FOXJ1: variants seen among roughly 807,000 people sequenced by gnomAD.
The protein encoded by FOXJ1 is forkhead box J1, also known as forkhead box protein J1.
FOXJ1 carries 8 observed loss-of-function variants against 29.3 expected under a neutral mutation model. The observed-to-expected ratio is 0.27, with a 90% CI of 0.16 to 0.49. FOXJ1 has a LOEUF of 0.49. Among genes scored for constraint, FOXJ1 ranks in the 20% least tolerant of loss-of-function variants. FOXJ1 has a pLI of 0.98. For missense variants in FOXJ1, 539 were observed against 595.5 expected, an observed-to-expected ratio of 0.91 and a Z score of 0.99; for synonymous variants, 280 against 278.7, an observed-to-expected ratio of 1.00 and a Z score of -0.05.
rs1451465345 is a variant in FOXJ1 at position 76,140,303 on chromosome 17, G to A, written c.93C>T (p.Asp31=). 6.7e-7 allele frequency: 1 copy of A among 1,492,210 alleles called. No individual in the cohort carries two copies. Among genetic ancestry groups the A allele is most frequent in the Admixed American group, 2.8e-5 (1 of 36,122 alleles). The allele number at this position is 1,492,210 out of a possible 1,614,324, so 92.4% of individuals were successfully genotyped here. The change falls in exon 2 of 3, where the codon GAC becomes GAT. Residue 31 remains aspartate (D), a synonymous_variant. Transcript: ENST00000322957. This position sits in a 1 kb window ranked among gnomAD's most constrained non-coding sequence, Gnocchi z 8.0. ...GCAGCCACTGCAGGCTGGTCAGGCT[G>A]TCATCCAGGGCGTCGGGCTCCTCCA... is the stretch of plus-strand genomic sequence containing the variant. ...GGLEEPDALD[D]SLTSLQWLQE... is the part of the protein sequence containing the mutation.
rs574600443 is a variant in FOXJ1 at position 76,139,618 on chromosome 17, G to A, written c.498+280C>T. On this transcript the variant is annotated intron_variant, in intron 2 of 2. Transcript: ENST00000322957. This position sits in a 1 kb window ranked among gnomAD's most constrained non-coding sequence, Gnocchi z 6.6. ...AGAGTCTAGCCCTGGTCTTTGGCCT[G>A]GGCCTGCTGGATGAATGGCAGGTTA... Among the ~76,000 whole-genome samples, 12 of 152,336 alleles carry A rather than the reference G, an allele frequency of 7.9e-5. No homozygotes were observed. In the South Asian group the frequency reaches 2.5e-3, roughly 32 times the overall value.
chr17:76,140,595 A>T lies in FOXJ1; in HGVS notation c.-169-31T>A. The T allele has an allele frequency of 2.0e-6, 1 of 510,748 alleles. No homozygotes were observed. The highest frequency in any genetic ancestry group is 3.4e-6 in the Non-Finnish European group (1 of 294,680). 31.6% of individuals were successfully genotyped at this position (510,748 alleles called of 1,614,324 possible). A position where few individuals can be genotyped will look rare whatever the true frequency, so the allele number is the denominator to read the frequency against. ...AGGACCACGGTGGGAGCTGAGCACT[A>T]CCCCACCCCCGAGGGGACAGTGTGT... On this transcript the variant is annotated intron_variant, in intron 1 of 2. Transcript: ENST00000322957. This position sits in a 1 kb window ranked among gnomAD's most constrained non-coding sequence, Gnocchi z 8.0.
rs773633018 is a variant in FOXJ1, at chr17:76,140,073, G to T, written c.323C>A (p.Pro108His). Residue 108 changes from proline (P) to histidine (H), a missense_variant, in exon 2 of 3, where the codon CCC becomes CAC. Pro to His is a moderately conservative substitution (Grantham distance 77, BLOSUM62 -2). Coordinates refer to ENST00000322957, the MANE Select transcript of FOXJ1 (RefSeq NM_001454.4). The surrounding 1 kb of genome is among the most constrained non-coding windows in gnomAD (Gnocchi z 8.0). Reference sequence around the variant, plus strand: ...GGTGGCGTAGTCCACGTCGTCGGGGGGTGGGGCCTGCAGCCCCGGGGGCGC... The same window carrying T: ...GGTGGCGTAGTCCACGTCGTCGGGGTGTGGGGCCTGCAGCCCCGGGGGCGC... The part of the protein sequence containing the change: ...RSAPPGLQAP[P>H]PDDVDYATNP... 5 of 1,606,766 alleles carry T rather than the reference G, an allele frequency of 3.1e-6. No individual in the cohort carries two copies. Among genetic ancestry groups the T allele is most frequent in the Non-Finnish European group, 4.2e-6 (5 of 1,179,776 alleles).
chr17:76,138,128 C>G lies in FOXJ1; in HGVS notation c.499-8G>C. On this transcript the variant is annotated splice_polypyrimidine_tract_variant and splice_region_variant and intron_variant, in intron 2 of 2. Transcript: ENST00000322957. ...GTTGTGGCGGATTGAATTCTGGGTG[C>G]AGGGAGAGAGCAAGAGAGAGAGGAA... is the stretch of plus-strand genomic sequence containing the variant. 1 of 1,613,236 alleles carries G rather than the reference C, an allele frequency of 6.2e-7. No homozygotes were observed.
In FOXJ1 at chr17:76,140,098, C is replaced by T. The variant is rs759471615; in HGVS notation, c.298G>A (p.Ala100Thr). ...GGTGGGGCCTGCAGCCCCGGGGGCG[C>T]GCTCCGCGACGTGCACGACGACGTG... ...KPTSSCTSRS[A>T]PPGLQAPPPD... The change falls in exon 2 of 3, where the codon GCG (alanine) becomes ACG (threonine). Residue 100 changes from alanine (A) to threonine (T), a missense_variant. By Grantham distance (58) the Ala-to-Thr change is moderately conservative. Coordinates refer to ENST00000322957, the MANE Select transcript of FOXJ1 (RefSeq NM_001454.4). The surrounding 1 kb of genome is among the most constrained non-coding windows in gnomAD (Gnocchi z 8.0). 4.4e-6 allele frequency: 7 copies of T among 1,601,358 alleles called. No individual in the cohort carries two copies. Among genetic ancestry groups the T allele is most frequent in the South Asian group, 1.1e-5 (1 of 90,858 alleles).
At chr17:76,138,313 A>G (rs1388025935) in intron 2 of FOXJ1, among the ~76,000 whole-genome samples, 193 bp from the exon 3 acceptor site, 1 of 152,170 alleles carries the variant, frequency 6.6e-6, no homozygotes, top group Non-Finnish European at 1.5e-5. Flanking sequence ...GGGAGCCCGG[A>G]GTGCTGTCGG....
In FOXJ1 at chr17:76,140,536, G is replaced by A. The variant is rs1421872507; in HGVS notation, c.-141C>T. On this transcript the variant is annotated 5_prime_UTR_variant, in exon 2 of 3. Coordinates refer to ENST00000322957, the MANE Select transcript of FOXJ1 (RefSeq NM_001454.4). The surrounding 1 kb of genome is among the most constrained non-coding windows in gnomAD (Gnocchi z 8.0). ...CGCGCTTCCATCTCGCGACCCCGGG[G>A]GCGCCTCCTCCGAATAAGTATGTGG... 9 of 744,906 alleles carry A rather than the reference G, an allele frequency of 1.2e-5. No individual in the cohort carries two copies. Among genetic ancestry groups the A allele is most frequent in the Non-Finnish European group, 1.8e-5 (9 of 500,362 alleles). The allele number at this position is 744,906 out of a possible 1,614,324, so 46.1% of individuals were successfully genotyped here. A position where few individuals can be genotyped will look rare whatever the true frequency, so the allele number is the denominator to read the frequency against.
chr17:76,140,274 T>A lies in FOXJ1; in HGVS notation c.122A>T (p.Glu41Val). 1 of 1,478,140 alleles carries A rather than the reference T, an allele frequency of 6.8e-7. No individual in the cohort carries two copies. The highest frequency in any genetic ancestry group is 8.9e-7 in the Non-Finnish European group (1 of 1,125,370). The allele number at this position is 1,478,140 out of a possible 1,614,324, so 91.6% of individuals were successfully genotyped here. A position where few individuals can be genotyped will look rare whatever the true frequency, so the allele number is the denominator to read the frequency against. ...GGCCTTGGCGTTGAGAATGGAGAAT[T>A]CCTGCAGCCACTGCAGGCTGGTCAG... is the stretch of plus-strand genomic sequence containing the variant. Reference protein sequence around the residue: ...DSLTSLQWLQEFSILNAKAPA... With the variant: ...DSLTSLQWLQVFSILNAKAPA... Residue 41 changes from glutamate to valine, a missense_variant, in exon 2 of 3, where the codon GAA (glutamate) becomes GTA (valine). Around this residue, in one of 3 missense-constraint regions of FOXJ1, gnomAD observed 178 missense variants for 254.4 expected, o/e 0.70. Coordinates refer to ENST00000322957, the MANE Select transcript of FOXJ1 (RefSeq NM_001454.4). The surrounding 1 kb of genome is among the most constrained non-coding windows in gnomAD (Gnocchi z 8.0).
chr17:76,140,445 G>T lies in FOXJ1; in HGVS notation c.-50C>A. 2 of 1,370,716 alleles carry T rather than the reference G, an allele frequency of 1.5e-6. No homozygotes were observed. The highest frequency in any genetic ancestry group is 1.9e-6 in the Non-Finnish European group (2 of 1,068,590). The allele number at this position is 1,370,716 out of a possible 1,614,324, so 84.9% of individuals were successfully genotyped here. ...CGGTCAGCATCCACGGGCTGAGCCGGGGGTGGCCCGCCGCGCTCTCTGGCC... is the reference window on the plus strand; with the variant it reads ...CGGTCAGCATCCACGGGCTGAGCCGTGGGTGGCCCGCCGCGCTCTCTGGCC... On this transcript the variant is annotated 5_prime_UTR_variant, in exon 2 of 3. Coordinates refer to ENST00000322957, the MANE Select transcript of FOXJ1 (RefSeq NM_001454.4). The surrounding 1 kb of genome is among the most constrained non-coding windows in gnomAD (Gnocchi z 8.0).
chr17:76,139,481 C>A lies in FOXJ1; in HGVS notation c.498+417G>T, dbSNP rs2068501048. The stretch of plus-strand genomic sequence containing the variant: ...GCCACGTTCCAGTTTCCGTTTCTGA[C>A]TCCCGGCCCCGACAAACCATCCCGG... On this transcript the variant is annotated intron_variant, in intron 2 of 2. Transcript: ENST00000322957. The surrounding 1 kb of genome is among the most constrained non-coding windows in gnomAD (Gnocchi z 6.6). Among the ~76,000 whole-genome samples the A allele has an allele frequency of 6.6e-6, 1 of 152,230 alleles. No individual in the cohort carries two copies. Among genetic ancestry groups the A allele is most frequent in the Admixed American group, 6.5e-5 (1 of 15,286 alleles).
chr17:76,137,828 C>T lies in FOXJ1; in HGVS notation c.791G>A (p.Gly264Asp), dbSNP rs759076774. The T allele has an allele frequency of 3.8e-6, 6 of 1,594,722 alleles. No homozygotes were observed. The South Asian group carries it at 5.6e-5, about 15-fold the overall frequency. The change falls in exon 3 of 3, where the codon GGT (glycine) becomes GAT (aspartate). Residue 264 changes from glycine (G) to aspartate (D), a missense_variant. Transcript: ENST00000322957. This position sits in a 1 kb window ranked among gnomAD's most constrained non-coding sequence, Gnocchi z 9.5. ...ATGCCCCAGCCTGCCCTCGCCTGCA[C>T]CCCAGCCCGCCTCCCCGGTGGCCTC... Reference protein sequence around the residue: ...FEEATGEAGWGAGEGRLGHKR... With the variant: ...FEEATGEAGWDAGEGRLGHKR...
At chr17:76,138,589 AGC>A (rs141936381) in intron 2 of FOXJ1, among the ~76,000 whole-genome samples, 11 of 151,220 alleles carry the variant, frequency 7.3e-5, no homozygotes, top group Non-Finnish European at 1.2e-4. Flanking sequence ...AGAGAGAGAG[AGC>A]GCGCAGGGAT....
In FOXJ1 at chr17:76,137,272, G is replaced by T; in HGVS notation, c.*81C>A. 8.1e-7 allele frequency: 1 copy of T among 1,235,822 alleles called. No individual in the cohort carries two copies. The highest frequency in any genetic ancestry group is 1.1e-6 in the Non-Finnish European group (1 of 943,742). 76.6% of individuals were successfully genotyped at this position (1,235,822 alleles called of 1,614,324 possible). A position where few individuals can be genotyped will look rare whatever the true frequency, so the allele number is the denominator to read the frequency against. On this transcript the variant is annotated 3_prime_UTR_variant, in exon 3 of 3. Transcript: ENST00000322957. This position sits in a 1 kb window ranked among gnomAD's most constrained non-coding sequence, Gnocchi z 9.5. Reference sequence around the variant, plus strand: ...TGGCCCAGCCCCTGCCTAGGTGGTGGGGTGTCTGTGGACCTGTGTTGGGGG... The same window carrying T: ...TGGCCCAGCCCCTGCCTAGGTGGTGTGGTGTCTGTGGACCTGTGTTGGGGG...
In FOXJ1 at chr17:76,140,978, G is replaced by A. The variant is rs577161578; in HGVS notation, c.-170+136C>T. ...GGAAGGGGACGGAACAGTAACGGGG[G>A]GCAGGAGGCGAGTTTCCCCCAGACT... On this transcript the variant is annotated intron_variant, in intron 1 of 2. Coordinates refer to ENST00000322957, the MANE Select transcript of FOXJ1 (RefSeq NM_001454.4). This position sits in a 1 kb window ranked among gnomAD's most constrained non-coding sequence, Gnocchi z 8.0. 1 of 152,428 alleles carries A rather than the reference G, an allele frequency of 6.6e-6. No individual in the cohort carries two copies. Among genetic ancestry groups the A allele is most frequent in the African/African-American group, 2.4e-5 (1 of 41,544 alleles). 9.4% of individuals were successfully genotyped at this position (152,428 alleles called of 1,614,324 possible). A position where few individuals can be genotyped will look rare whatever the true frequency, so the allele number is the denominator to read the frequency against.
In FOXJ1 at chr17:76,137,402, G is replaced by A; in HGVS notation, c.1217C>T (p.Thr406Ile). Residue 406 changes from threonine (T) to isoleucine (I), a missense_variant, in exon 3 of 3, where the codon ACC (threonine) becomes ATC (isoleucine). Coordinates refer to ENST00000322957, the MANE Select transcript of FOXJ1 (RefSeq NM_001454.4). This position sits in a 1 kb window ranked among gnomAD's most constrained non-coding sequence, Gnocchi z 9.5. ...CCAGTCCTGCAGGTCGGAGGCCAGG[G>A]TGGCATCCCCAGCCTCAAAGAGGGG... is the stretch of plus-strand genomic sequence containing the variant. ...PEPLFEAGDA[T>I]LASDLQDWAS... 6.5e-7 allele frequency: 1 copy of A among 1,532,742 alleles called. No individual in the cohort carries two copies. 94.9% of individuals were successfully genotyped at this position (1,532,742 alleles called of 1,614,324 possible). A position where few individuals can be genotyped will look rare whatever the true frequency, so the allele number is the denominator to read the frequency against.
In FOXJ1 at chr17:76,137,126, G is replaced by A. The variant is rs1256259781; in HGVS notation, c.*227C>T. ...CAATGAAACACTGTGTGTACAAGGT[G>A]GGGCTGGGGAGAGGAGGCAGCGATT... On this transcript the variant is annotated 3_prime_UTR_variant, in exon 3 of 3. Transcript: ENST00000322957. The surrounding 1 kb of genome is among the most constrained non-coding windows in gnomAD (Gnocchi z 9.5). The A allele has an allele frequency of 9.6e-5, 44 of 458,898 alleles. No homozygotes were observed. In the Admixed American group the frequency reaches 1.6e-3, roughly 17 times the overall value. 28.4% of individuals were successfully genotyped at this position (458,898 alleles called of 1,614,324 possible). A position where few individuals can be genotyped will look rare whatever the true frequency, so the allele number is the denominator to read the frequency against.
rs2068511422 is a variant in FOXJ1 at position 76,140,670 on chromosome 17, T to C, written c.-169-106A>G. 1 of 414,748 alleles carries C rather than the reference T, an allele frequency of 2.4e-6. No homozygotes were observed. Among genetic ancestry groups the C allele is most frequent in the Non-Finnish European group, 4.3e-6 (1 of 235,114 alleles). The allele number at this position is 414,748 out of a possible 1,614,324, so 25.7% of individuals were successfully genotyped here. On this transcript the variant is annotated intron_variant, in intron 1 of 2. Transcript: ENST00000322957. The surrounding 1 kb of genome is among the most constrained non-coding windows in gnomAD (Gnocchi z 8.0). ...CATCCCCGCAGCTGGGGAGGATCTT[T>C]TAGTGCCGAGGTATGGGAAACAGAA...
Position 76,137,568 on chromosome 17 carries a change from G to T in FOXJ1, c.1051C>A (p.Arg351Ser), listed in dbSNP as rs571143288. 1 of 1,596,542 alleles carries T rather than the reference G, an allele frequency of 6.3e-7. No homozygotes were observed. The highest frequency in any genetic ancestry group is 2.3e-5 in the East Asian group (1 of 44,148). ...CAGGTGGCAGGGCAGTCGATGTGGC[G>T]GCCGTGGATGGTGAGGTCCACGTCC... ...HVDVDLTIHG[R>S]HIDCPATWGP... Residue 351 changes from arginine (R) to serine (S), a missense_variant, in exon 3 of 3, where the codon CGC (arginine) becomes AGC (serine). Physicochemically the swap from Arg to Ser is moderately radical, Grantham distance 110. Transcript: ENST00000322957. The surrounding 1 kb of genome is among the most constrained non-coding windows in gnomAD (Gnocchi z 9.5).
intron 2 of FOXJ1, 50 bp from the exon 3 acceptor site, chr17:76,138,170 G>A (rs770864729): frequency 1.3e-6 from 2 of 1,591,038 alleles, no homozygotes; most frequent in Admixed American, 1.7e-5. Flanking sequence ...GGTCAGTGGG[G>A]ACGGGGAGAT....
Sources: gnomAD v4.1 joint callset for allele counts (sites outside exome capture counted in the v4.1 genomes callset) on GRCh38, gnomAD v4.1.1 for gene constraint, gnomAD v4.1.1 regional missense constraint, Gnocchi (gnomAD v3.1) non-coding constraint, MANE v1.5 for transcripts, NCBI Gene and HGNC (gene_info 2026-07-23, HGNC 2026-07-21) for gene names.